Variants in ACCSL observed in about 807,000 individuals in gnomAD.
ACCSL encodes the protein 1-aminocyclopropane-1-carboxylate synthase homolog (inactive) like, also known as probable inactive 1-aminocyclopropane-1-carboxylate synthase-like protein 2.
In ACCSL, 55 loss-of-function variants were observed where a neutral mutation model predicts 61.7. The observed-to-expected ratio is 0.89, with a 90% confidence interval of 0.72 to 1.12. The LOEUF is 1.12. Among genes scored for constraint, ACCSL ranks in the 50% most tolerant of loss-of-function variants. ACCSL has a pLI of 0.00. For synonymous variants in ACCSL, 258 were observed against 264.3 expected (o/e 0.98, Z 0.23); for missense variants, 632 against 698.0 (o/e 0.91, Z 1.07).
the ACCSL span, among the ~76,000 whole-genome samples, chr11:43,956,889 A>T: frequency 6.6e-6 from 1 of 152,108 alleles, no homozygotes; most frequent in African/African-American, 2.4e-5. Context: ...GTGGTTTAGT[A>T]TTTATACATT....
At chr11:43,959,810 C>A in the ACCSL span, among the ~76,000 whole-genome samples, 1 of 152,164 alleles carries the variant, frequency 6.6e-6, no homozygotes, top group Non-Finnish European at 1.5e-5. Context: ...AGAGGCAGAA[C>A]CTTCTCTGAG....
chr11:44,014,130 T>C, the ACCSL span, among the ~76,000 whole-genome samples: 3 of 152,218 alleles, frequency 2.0e-5, no homozygotes, highest in Non-Finnish European at 2.9e-5. Flanking sequence ...TATATACCGC[T>C]GTGAAACATA....
chr11:43,934,214 A>C, the ACCSL span, among the ~76,000 whole-genome samples: 1 of 152,090 alleles, frequency 6.6e-6, no homozygotes, highest in Non-Finnish European at 1.5e-5. Flanking sequence ...AAAATTATCG[A>C]AACACTTTTA....
At chr11:44,028,766 G>A in the ACCSL span, among the ~76,000 whole-genome samples, 1 of 152,278 alleles carries the variant, frequency 6.6e-6, no homozygotes, top group East Asian at 1.9e-4. Context: ...GTAAAATAAG[G>A]GTAATAAGAG....
chr11:44,023,648 A>G, the ACCSL span, among the ~76,000 whole-genome samples: 1 of 108,510 alleles, frequency 9.2e-6, no homozygotes, highest in African/African-American at 3.7e-5. Flanking sequence ...TCTATTCTCT[A>G]TTTCTGCTGC....
the ACCSL span, among the ~76,000 whole-genome samples, chr11:43,932,637 G>T: frequency 2.6e-5 from 4 of 152,176 alleles, no homozygotes; most frequent in Admixed American, 1.3e-4. Context: ...TGCTGTTTGC[G>T]TGCCCTCATG....
chr11:43,996,932 C>T, the ACCSL span, among the ~76,000 whole-genome samples: 1 of 151,730 alleles, frequency 6.6e-6, no homozygotes, highest in Non-Finnish European at 1.5e-5. Flanking sequence ...TGTGCCTCAA[C>T]CTCCCAAATA....
At chr11:43,971,317 G>A in the ACCSL span, 2 of 150,966 alleles carry the variant, frequency 1.3e-5, no homozygotes, top group African/African-American at 2.5e-5. Context: ...AAGAAAGCCA[G>A]TAACATTAGT....
At chr11:44,052,016 A>G (rs902304091) in intron 5 of ACCSL, among the ~76,000 whole-genome samples, 4 of 152,228 alleles carry the variant, frequency 2.6e-5, no homozygotes, top group Non-Finnish European at 5.9e-5. Context: ...GCTGCAATAC[A>G]GACAGCCATG....
the ACCSL span, among the ~76,000 whole-genome samples, chr11:44,011,455 A>C: frequency 6.6e-6 from 1 of 152,212 alleles, no homozygotes; most frequent in Non-Finnish European, 1.5e-5. Context: ...AAAGCATGGA[A>C]GAAGGAGTTT....
chr11:44,047,943 A>C (rs1422872784), upstream of ACCSL: 1 of 1,425,848 alleles, frequency 7.0e-7, no homozygotes, highest in Admixed American at 2.1e-5. Flanking sequence ...CCTGGACCTG[A>C]GGGTCCAGGA....
At chr11:43,944,470 C>G in the ACCSL span, 4 of 153,794 alleles carry the variant, frequency 2.6e-5, no homozygotes, top group Non-Finnish European at 5.8e-5. Flanking sequence ...ACCGCGGCCG[C>G]TATGTCTCCA....
the ACCSL span, among the ~76,000 whole-genome samples, chr11:43,952,596 C>T: frequency 4.3e-4 from 65 of 152,264 alleles, no homozygotes; most frequent in Admixed American, 7.8e-4. Flanking sequence ...TGCATGCAGC[C>T]CCCAGTCACA....
chr11:43,974,926 G>A, the ACCSL span, among the ~76,000 whole-genome samples: 53 of 152,288 alleles, frequency 3.5e-4, no homozygotes, highest in African/African-American at 1.2e-3. Flanking sequence ...TACAGAGATC[G>A]AGAGATAATA....
At chr11:44,049,419 C>CAAAAA (rs33944147) in intron 1 of ACCSL, among the ~76,000 whole-genome samples, 1 of 33,914 alleles carries the variant, frequency 2.9e-5, no homozygotes, top group Non-Finnish European at 5.3e-5. Flanking sequence ...GACCCTGTCT[C>CAAAAA]AAAAAAAAAA....
chr11:43,964,081 A>C, the ACCSL span, among the ~76,000 whole-genome samples: 59 of 149,006 alleles, frequency 4.0e-4, no homozygotes, highest in Admixed American at 2.1e-3. Context: ...TAAAAAAAAA[A>C]CAATTAATTA....
At chr11:44,000,929 A>G in the ACCSL span, among the ~76,000 whole-genome samples, 2 of 152,288 alleles carry the variant, frequency 1.3e-5, no homozygotes, top group African/African-American at 4.8e-5. Flanking sequence ...CATTTCACAG[A>G]TGAGGAGGCT....
chr11:44,007,045 C>G, the ACCSL span, among the ~76,000 whole-genome samples: 1 of 152,084 alleles, frequency 6.6e-6, no homozygotes, highest in Non-Finnish European at 1.5e-5. Flanking sequence ...ACACTACCCC[C>G]GGGGGCCAAA....
the ACCSL span, among the ~76,000 whole-genome samples, chr11:44,030,666 G>A: frequency 6.6e-6 from 1 of 151,904 alleles, no homozygotes; most frequent in African/African-American, 2.4e-5. Context: ...AGAAACGAAG[G>A]CAACACCAGA....
Sources: allele counts gnomAD v4.1 joint callset (sites outside exome capture counted in the v4.1 genomes callset), GRCh38; gene constraint gnomAD v4.1.1; transcripts MANE v1.5; gene names NCBI Gene and HGNC (gene_info 2026-07-23, HGNC 2026-07-21).